Variants in TAS2R1 observed in about 807,000 individuals in gnomAD.
The protein encoded by TAS2R1 is taste receptor type 2 member 1.
For missense variants in TAS2R1, 370 were observed against 353.4 expected (o/e 1.05, Z -0.38); for synonymous variants, 141 against 134.2 (o/e 1.05, Z -0.35).
At chr5:9,723,397 T>C in the TAS2R1 span, among the ~76,000 whole-genome samples, 1 of 152,182 alleles carries the variant, frequency 6.6e-6, no homozygotes. Context: ...TTGTGTTGCA[T>C]GGGCCCAACA....
At chr5:9,651,165 T>G (rs1416010176) in intron 2 of TAS2R1, among the ~76,000 whole-genome samples, 1 of 152,202 alleles carries the variant, frequency 6.6e-6, no homozygotes, top group Non-Finnish European at 1.5e-5. Flanking sequence ...TATTCTGTCA[T>G]CAGCTCCTTT....
At chr5:9,641,754 TA>T (rs1366095136) in intron 2 of TAS2R1, 2 of 152,218 alleles carry the variant, frequency 1.3e-5, no homozygotes, top group African/African-American at 4.8e-5. Flanking sequence ...ATACAATTTT[TA>T]AAACAATGGC....
chr5:9,659,245 C>A (rs1431898387), intron 2 of TAS2R1, among the ~76,000 whole-genome samples: 1 of 152,112 alleles, frequency 6.6e-6, no homozygotes, highest in Non-Finnish European at 1.5e-5. Context: ...GAACTACTCC[C>A]CCATGGGAAT....
At chr5:9,679,500 T>C (rs1740953384) in intron 1 of TAS2R1, among the ~76,000 whole-genome samples, 1 of 152,110 alleles carries the variant, frequency 6.6e-6, no homozygotes, top group Admixed American at 6.6e-5. Flanking sequence ...ATGAGTAAAG[T>C]CTATGAAACA....
intron 1 of TAS2R1, among the ~76,000 whole-genome samples, chr5:9,669,647 G>C (rs529858663): frequency 2.2e-4 from 33 of 152,234 alleles, no homozygotes; most frequent in Non-Finnish European, 3.2e-4. Context: ...TAAACAACCT[G>C]CTTCTGAATG....
the TAS2R1 span, among the ~76,000 whole-genome samples, chr5:9,736,291 T>G: frequency 6.6e-6 from 1 of 152,250 alleles, no homozygotes; most frequent in Non-Finnish European, 1.5e-5. Flanking sequence ...CGCAGAAAGC[T>G]AGCACTGCAG....
chr5:9,672,531 A>C (rs1740789494), intron 1 of TAS2R1, among the ~76,000 whole-genome samples: 1 of 152,194 alleles, frequency 6.6e-6, no homozygotes, highest in Non-Finnish European at 1.5e-5. Flanking sequence ...ATCTGAAAAA[A>C]TGCTCAATAT....
chr5:9,705,516 C>T (rs917928309), intron 1 of TAS2R1, among the ~76,000 whole-genome samples: 2 of 152,202 alleles, frequency 1.3e-5, no homozygotes, highest in African/African-American at 2.4e-5. Flanking sequence ...ATTTTAGAGT[C>T]GCCAACTTTG....
At chr5:9,886,331 ATT>A in the TAS2R1 span, among the ~76,000 whole-genome samples, 8 of 98,098 alleles carry the variant, frequency 8.2e-5, no homozygotes, top group African/African-American at 2.1e-4. Flanking sequence ...TGCGCCCAGC[ATT>A]TTTTTTTTTT....
At chr5:9,676,576 T>C (rs1338502828) in intron 1 of TAS2R1, among the ~76,000 whole-genome samples, 3 of 152,134 alleles carry the variant, frequency 2.0e-5, no homozygotes, top group African/African-American at 4.8e-5. Flanking sequence ...AATATAGACA[T>C]AGACCTTATA....
At chr5:9,879,619 AT>A in the TAS2R1 span, among the ~76,000 whole-genome samples, 1,997 of 152,264 alleles carry the variant, frequency 0.013, 46 homozygotes, top group African/African-American at 0.045. Flanking sequence ...GCAAGGCCTA[AT>A]TTTAATTTTT....
the TAS2R1 span, among the ~76,000 whole-genome samples, chr5:9,797,177 T>G: frequency 6.6e-6 from 1 of 152,178 alleles, no homozygotes; most frequent in Non-Finnish European, 1.5e-5. Flanking sequence ...ACCCAGATGA[T>G]TATGCCTCCT....
In TAS2R1 at chr5:9,629,859, C is replaced by A. The variant is rs1333503231; in HGVS notation, c.174G>T (p.Leu58=). Residue 58 remains leucine, a synonymous_variant, in exon 1 of 1, where the codon CTG becomes CTT. Transcript: ENST00000382492. ...LSCLAVSRIF[L]QLFIFYVNVI... The stretch of plus-strand genomic sequence containing the variant: ...CATTAACGTAGAAGATGAACAACTG[C>A]AGAAAAATTCTAGAAACTGCCAGAC... 6 of 1,613,458 alleles carry A rather than the reference C, an allele frequency of 3.7e-6. No individual in the cohort carries two copies. In the South Asian group the frequency reaches 6.6e-5, roughly 18 times the overall value.
the TAS2R1 span, among the ~76,000 whole-genome samples, chr5:9,873,255 T>A: frequency 6.6e-6 from 1 of 152,000 alleles, no homozygotes; most frequent in South Asian, 2.1e-4. Flanking sequence ...ATATTCTCCC[T>A]CTCTACGACG....
chr5:9,722,830 G>A, the TAS2R1 span, among the ~76,000 whole-genome samples: 1 of 152,216 alleles, frequency 6.6e-6, no homozygotes, highest in Non-Finnish European at 1.5e-5. Flanking sequence ...GAATATGCCT[G>A]GCACCATCAC....
At chr5:9,722,660 C>T in the TAS2R1 span, among the ~76,000 whole-genome samples, 1 of 152,242 alleles carries the variant, frequency 6.6e-6, no homozygotes, top group Non-Finnish European at 1.5e-5. Context: ...TGTTATCTTC[C>T]TCCTTTCCAT....
chr5:9,806,097 C>T, the TAS2R1 span, among the ~76,000 whole-genome samples: 1 of 152,042 alleles, frequency 6.6e-6, no homozygotes, highest in East Asian at 1.9e-4. Flanking sequence ...CTGCTATATA[C>T]CAACAATGAC....
At chr5:9,681,821 C>G (rs887901366) in intron 1 of TAS2R1, among the ~76,000 whole-genome samples, 2 of 152,048 alleles carry the variant, frequency 1.3e-5, no homozygotes, top group Admixed American at 6.6e-5. Context: ...TTAGAAATGC[C>G]GAATCTCAAC....
chr5:9,810,844 G>T, the TAS2R1 span, among the ~76,000 whole-genome samples: 1 of 152,128 alleles, frequency 6.6e-6, no homozygotes, highest in African/African-American at 2.4e-5. Context: ...AATGGAAAAT[G>T]TTGCACTATT....
Sources: allele counts gnomAD v4.1 joint callset (sites outside exome capture counted in the v4.1 genomes callset), GRCh38; gene constraint gnomAD v4.1.1; transcripts MANE v1.5; gene names NCBI Gene and HGNC (gene_info 2026-07-23, HGNC 2026-07-21).